METTL14: variants seen among roughly 807,000 people sequenced by gnomAD.
METTL14 encodes methyltransferase 14, N6-adenosine-methyltransferase non-catalytic subunit.
In METTL14, 32 loss-of-function variants were observed where a neutral mutation model predicts 62.4. The observed-to-expected ratio is 0.51, with a 90% confidence interval of 0.39 to 0.69. The LOEUF (loss-of-function observed/expected upper bound fraction) is 0.69, where lower values mean the gene tolerates loss of function less well. Ranked by LOEUF, METTL14 falls within the 30% of genes least tolerant of loss-of-function variation. The pLI, the probability that METTL14 is intolerant of heterozygous loss-of-function variation, is 0.00. For missense variants in METTL14, 340 were observed against 551.9 expected, an observed-to-expected ratio of 0.62 and a Z score of 3.85; for synonymous variants, 150 against 180.0, an observed-to-expected ratio of 0.83 and a Z score of 1.34.
At chr4:118,703,525 A>G (rs1214320644) in intron 8 of METTL14, among the ~76,000 whole-genome samples, 5 of 152,252 alleles carry the variant, frequency 3.3e-5, no homozygotes, top group Admixed American at 2.0e-4. Context: ...AAAATTTTCA[A>G]TAGTATGTAG....
chr4:118,708,742 A>G (rs1035805243), intron 10 of METTL14, among the ~76,000 whole-genome samples: 19 of 152,212 alleles, frequency 1.2e-4, no homozygotes, highest in Non-Finnish European at 2.6e-4. Flanking sequence ...TGGGGCAGAT[A>G]TATTATAAAC....
rs1382678811 is a variant in METTL14, at chr4:118,705,700, C to T, written c.945C>T (p.Ile315=). The T allele has an allele frequency of 2.5e-6, 4 of 1,614,048 alleles. No homozygotes were observed. Among genetic ancestry groups the T allele is most frequent in the Admixed American group, 1.7e-5 (1 of 60,010 alleles). ...IHANVDIDLI[I]TEEPEIGNIE... ...CTAATGTTGACATTGACTTAATTAT[C>T]ACAGAAGAACCTGAAATTGGCAATA... The change falls in exon 10 of 11, where the codon ATC becomes ATT. Residue 315 remains isoleucine (I), a synonymous_variant. Transcript: ENST00000388822.
rs376293418 is a variant in METTL14 at position 118,705,538 on chromosome 4, A to G, written c.856-73A>G. On this transcript the variant is annotated intron_variant, in intron 9 of 10. Coordinates refer to ENST00000388822, the MANE Select transcript of METTL14 (RefSeq NM_020961.4). The stretch of plus-strand genomic sequence containing the variant: ...AATGAGGATTGTTTTAGAATTGAGG[A>G]CATCAGAAATGTGAAAGGTTTTGGA... 1.6e-5 allele frequency: 18 copies of G among 1,120,914 alleles called. 1 individual carries two copies. In the Middle Eastern group the frequency reaches 3.2e-3, roughly 202 times the overall value. 69.4% of individuals were successfully genotyped at this position (1,120,914 alleles called of 1,614,324 possible).
At chr4:118,698,452 CAAAAAA>C (rs70941202) in intron 7 of METTL14, among the ~76,000 whole-genome samples, 24 of 76,624 alleles carry the variant, frequency 3.1e-4, no homozygotes, top group African/African-American at 8.9e-4. Flanking sequence ...GACTCTGTCT[CAAAAAA>C]AAAAAAAAAA....
intron 2 of METTL14, among the ~76,000 whole-genome samples, chr4:118,688,564 A>G (rs1202364169): frequency 6.6e-6 from 1 of 152,236 alleles, no homozygotes; most frequent in Non-Finnish European, 1.5e-5. Context: ...TTGTCAGTTC[A>G]TTAATTATAA....
At chr4:118,699,377 A>C (rs190888374) in intron 7 of METTL14, among the ~76,000 whole-genome samples, 1 of 152,182 alleles carries the variant, frequency 6.6e-6, no homozygotes, top group African/African-American at 2.4e-5. Flanking sequence ...ATTGTTGAAA[A>C]ATCAGAAAAG....
intron 1 of METTL14, chr4:118,686,410 C>T (rs1260672205): frequency 5.8e-6 from 2 of 342,506 alleles, no homozygotes; most frequent in Admixed American, 3.9e-5. Context: ...ATTTTCCATT[C>T]TACTATTCAG....
Position 118,700,593 on chromosome 4 carries a change from T to A in METTL14, c.689T>A (p.Phe230Tyr). 1 of 1,613,246 alleles carries A rather than the reference T, an allele frequency of 6.2e-7. No homozygotes were observed. Among genetic ancestry groups the A allele is most frequent in the African/African-American group, 1.3e-5 (1 of 75,024 alleles). Reference sequence around the variant, plus strand: ...GATGAGATTGCAGCACCTCGATCATTTATTTTTCTCTGGTGTGGTTCTGGG... The same window carrying A: ...GATGAGATTGCAGCACCTCGATCATATATTTTTCTCTGGTGTGGTTCTGGG... ...EIDEIAAPRS[F>Y]IFLWCGSGEG... Residue 230 changes from phenylalanine (F) to tyrosine (Y), a missense_variant, in exon 8 of 11, where the codon TTT becomes TAT. By Grantham distance (22) the Phe-to-Tyr change is conservative (BLOSUM62 3). This residue lies in a region of METTL14 where 58 missense variants were observed against 147.5 expected (regional missense o/e 0.39). Transcript: ENST00000388822.
chr4:118,686,588 C>T, intron 1 of METTL14: 1 of 456,156 alleles, frequency 2.2e-6, no homozygotes, highest in Non-Finnish European at 4.4e-6. Flanking sequence ...AACTTGGAGT[C>T]AGATTTGTTC....
chr4:118,708,545 T>G (rs940792940), intron 10 of METTL14, among the ~76,000 whole-genome samples: 1 of 152,206 alleles, frequency 6.6e-6, no homozygotes, highest in African/African-American at 2.4e-5. Flanking sequence ...TAACCTTTTT[T>G]TCTTCAACTA....
intron 6 of METTL14, 69 bp from the exon 7 acceptor site, chr4:118,697,113 A>T: frequency 1.7e-6 from 2 of 1,155,570 alleles, no homozygotes; most frequent in Non-Finnish European, 2.5e-6. Flanking sequence ...CCATCTGTTA[A>T]GGTACTTGAA....
At chr4:118,690,035 C>CTTTTTTTTTTTT (rs70941200) in intron 3 of METTL14, among the ~76,000 whole-genome samples, 6 of 86,640 alleles carry the variant, frequency 6.9e-5, no homozygotes, top group East Asian at 7.5e-4. Context: ...TAATAATATT[C>CTTTTTTTTTTTT]TTTTTTTTTT....
intron 6 of METTL14, 92 bp from the exon 7 acceptor site, chr4:118,697,090 A>G: frequency 3.2e-6 from 3 of 945,538 alleles, no homozygotes; most frequent in Non-Finnish European, 4.7e-6. Context: ...TATCTAAGAC[A>G]TTTCTTTCAT....
intron 8 of METTL14, among the ~76,000 whole-genome samples, chr4:118,702,735 C>T (rs1203348781): frequency 2.0e-5 from 3 of 152,010 alleles, no homozygotes. Flanking sequence ...AAGATTACCA[C>T]ACTGAACTCC....
rs1725010525 is a variant in METTL14, at chr4:118,714,896, A to G, written c.*4594A>G. Reference sequence around the variant, plus strand: ...GCCTCTGCAACTGGCCAACATGCATATTTAAATTATGCATGCATTGTAGCT... The same window carrying G: ...GCCTCTGCAACTGGCCAACATGCATGTTTAAATTATGCATGCATTGTAGCT... On this transcript the variant is annotated 3_prime_UTR_variant, in exon 11 of 11. Transcript: ENST00000388822. The G allele has an allele frequency of 2.0e-5, 3 of 152,224 alleles. No homozygotes were observed. The highest frequency in any genetic ancestry group is 7.2e-5 in the African/African-American group (3 of 41,456). The allele number at this position is 152,224 out of a possible 1,614,324, so 9.4% of individuals were successfully genotyped here. A position where few individuals can be genotyped will look rare whatever the true frequency, so the allele number is the denominator to read the frequency against.
At chr4:118,704,550 C>A (rs1724698812) in intron 9 of METTL14, among the ~76,000 whole-genome samples, 1 of 152,006 alleles carries the variant, frequency 6.6e-6, no homozygotes, top group South Asian at 2.1e-4. Context: ...CTTATTAAGT[C>A]TTTTTTGTAC....
intron 8 of METTL14, among the ~76,000 whole-genome samples, chr4:118,703,023 C>A (rs370067190): frequency 3.3e-5 from 5 of 150,440 alleles, no homozygotes; most frequent in African/African-American, 1.2e-4. Context: ...AGGTTTGTTA[C>A]ATAGGTATAC....
intron 7 of METTL14, among the ~76,000 whole-genome samples, 198 bp from the exon 8 acceptor site, chr4:118,700,352 A>G (rs1463930744): frequency 6.6e-6 from 1 of 152,168 alleles, no homozygotes; most frequent in Non-Finnish European, 1.5e-5. Flanking sequence ...ACAGGTGTGT[A>G]TGTTGTTTGT....
chr4:118,706,428 C>A (rs1724757912), intron 10 of METTL14, among the ~76,000 whole-genome samples: 1 of 152,176 alleles, frequency 6.6e-6, no homozygotes, highest in Admixed American at 6.6e-5. Flanking sequence ...TTTGATAGGT[C>A]ATTTCTTTTT....
Sources: gnomAD v4.1 joint callset for allele counts (sites outside exome capture counted in the v4.1 genomes callset) on GRCh38, gnomAD v4.1.1 for gene constraint, gnomAD v4.1.1 regional missense constraint, MANE v1.5 for transcripts, NCBI Gene and HGNC (gene_info 2026-07-23, HGNC 2026-07-21) for gene names.